RGSL1: variants seen among roughly 807,000 people sequenced by gnomAD.
The protein encoded by RGSL1 is regulator of G protein signaling like 1, also known as regulator of G protein signaling protein-like.
Under a neutral mutation model 124.7 loss-of-function variants are expected in RGSL1, and 97 were observed. The observed-to-expected ratio is 0.78, with a 90% CI of 0.66 to 0.92. The LOEUF (loss-of-function observed/expected upper bound fraction) is 0.92. Among genes scored for constraint, RGSL1 ranks in the 40% least tolerant of loss-of-function variants. RGSL1 has a pLI of 0.00. For synonymous variants in RGSL1, 424 were observed against 438.1 expected (o/e 0.97, Z 0.40); for missense variants, 1,233 against 1,288.4 (o/e 0.96, Z 0.66).
chr1:182,530,186 G>C, intron 11 of RGSL1, 58 bp from the exon 12 acceptor site: 1 of 1,303,828 alleles, frequency 7.7e-7, no homozygotes, highest in Non-Finnish European at 1.1e-6. Flanking sequence ...AAAACCACCA[G>C]CTATCTCAGA....
chr1:182,479,019 G>A (rs912328090), intron 6 of RGSL1, among the ~76,000 whole-genome samples: 1 of 152,020 alleles, frequency 6.6e-6, no homozygotes, highest in Non-Finnish European at 1.5e-5. Flanking sequence ...GTGAAGAAGT[G>A]TTTAAAAAAA....
chr1:182,542,685 C>T (rs1241788750), intron 15 of RGSL1, among the ~76,000 whole-genome samples: 1 of 152,026 alleles, frequency 6.6e-6, no homozygotes, highest in Non-Finnish European at 1.5e-5. Flanking sequence ...ATTATGTTTT[C>T]CAATCCATGA....
At chr1:182,545,269 A>G (rs539959249) in intron 15 of RGSL1, among the ~76,000 whole-genome samples, 1 of 152,326 alleles carries the variant, frequency 6.6e-6, no homozygotes, top group Admixed American at 6.5e-5. Context: ...GAATAGAAAC[A>G]AAGAAAAAAC....
chr1:182,554,945 C>T (rs1660778696), intron 20 of RGSL1: 2 of 509,850 alleles, frequency 3.9e-6, no homozygotes, highest in Non-Finnish European at 7.1e-6. Context: ...TTCAGTAGAA[C>T]AATACTGCTG....
intron 1 of RGSL1, 25 bp from the exon 2 acceptor site, chr1:182,453,933 T>G: frequency 2.3e-6 from 3 of 1,287,718 alleles, no homozygotes; most frequent in Non-Finnish European, 3.3e-6. Flanking sequence ...ATGTTTTGTT[T>G]TTTTATTTCT....
At chr1:182,496,678 T>C (rs1006053830) in intron 9 of RGSL1, among the ~76,000 whole-genome samples, 1 of 152,216 alleles carries the variant, frequency 6.6e-6, no homozygotes, top group Non-Finnish European at 1.5e-5. Flanking sequence ...GCAGCAAAAA[T>C]ACTTTCCCAC....
chr1:182,463,541 T>G (rs1049912570), intron 4 of RGSL1, among the ~76,000 whole-genome samples: 3 of 152,104 alleles, frequency 2.0e-5, no homozygotes, highest in African/African-American at 7.2e-5. Context: ...TTTATTTAAT[T>G]TATTTATTTT....
rs200032887 is a variant in RGSL1, at chr1:182,450,178, G to A, written c.13G>A (p.Glu5Lys). The A allele has an allele frequency of 2.1e-5, 32 of 1,551,990 alleles. No individual in the cohort carries two copies. The highest frequency in any genetic ancestry group is 2.7e-5 in the Non-Finnish European group (31 of 1,147,080). The part of the protein sequence containing the change: MSSA[E>K]IIGSTNLIIL... Reference sequence around the variant, plus strand: ...AGAGCATGGCAACATGAGCAGTGCTGGTGAGTCTCTGCCAGGGATGTCTCC... The same window carrying A: ...AGAGCATGGCAACATGAGCAGTGCTAGTGAGTCTCTGCCAGGGATGTCTCC... Residue 5 changes from glutamate (E) to lysine (K), a missense_variant and splice_region_variant, in exon 1 of 22, where the codon GAG (glutamate) becomes AAG (lysine). Physicochemically the swap from Glu to Lys is moderately conservative, Grantham distance 56 (BLOSUM62 1). Coordinates refer to ENST00000294854, the MANE Select transcript of RGSL1 (RefSeq NM_001137669.2).
chr1:182,548,491 C>A, intron 16 of RGSL1, 36 bp downstream of exon 16: 1 of 1,548,870 alleles, frequency 6.5e-7, no homozygotes, highest in South Asian at 1.2e-5. Flanking sequence ...GGCCTTTCAC[C>A]AAGAAGCATT....
At chr1:182,490,559 T>C (rs1655442975) in intron 8 of RGSL1, among the ~76,000 whole-genome samples, 2 of 152,180 alleles carry the variant, frequency 1.3e-5, no homozygotes, top group African/African-American at 4.8e-5. Flanking sequence ...CCATAGAGAT[T>C]CCACTCTCTC....
intron 4 of RGSL1, among the ~76,000 whole-genome samples, chr1:182,463,137 C>CA (rs1318979034): frequency 7.3e-5 from 11 of 151,560 alleles, no homozygotes; most frequent in Non-Finnish European, 2.9e-5. Context: ...ATTAAAAATA[C>CA]AAAAAAATTA....
intron 9 of RGSL1, among the ~76,000 whole-genome samples, chr1:182,504,270 C>T (rs909045216): frequency 6.6e-5 from 10 of 152,080 alleles, no homozygotes; most frequent in Non-Finnish European, 1.5e-4. Context: ...GTGTGAGTCA[C>T]CATGCCCGGC....
At chr1:182,540,936 A>G (rs10752874) in intron 15 of RGSL1, among the ~76,000 whole-genome samples, 78,675 of 151,906 alleles carry the variant, frequency 0.52, 20,643 homozygotes, top group Non-Finnish European at 0.55. Flanking sequence ...TGTATAGACT[A>G]TACCCCAAAA....
chr1:182,483,110 C>G (rs933225933), intron 6 of RGSL1, among the ~76,000 whole-genome samples: 8 of 152,132 alleles, frequency 5.3e-5, no homozygotes, highest in African/African-American at 1.4e-4. Flanking sequence ...TTGCCAGCAG[C>G]TTCAGGGAGG....
intron 9 of RGSL1, among the ~76,000 whole-genome samples, chr1:182,499,867 GCAA>G (rs1656220417): frequency 6.6e-6 from 1 of 151,998 alleles, no homozygotes; most frequent in African/African-American, 2.4e-5. Context: ...AGGTCTGGTG[GCAA>G]CAAATTCTCT....
intron 9 of RGSL1, among the ~76,000 whole-genome samples, chr1:182,509,261 G>T (rs1367614356): frequency 3.8e-5 from 2 of 52,260 alleles, no homozygotes; most frequent in African/African-American, 5.8e-5. Context: ...CAGTAGGGGC[G>T]GCCGGGCAGA....
intron 1 of RGSL1, chr1:182,450,427 T>A: frequency 1.8e-6 from 1 of 564,416 alleles, no homozygotes; most frequent in Admixed American, 3.0e-5. Context: ...AAGTAAAATG[T>A]GGATTGGGCC....
intron 1 of RGSL1, 176 bp downstream of exon 1, chr1:182,450,354 G>A (rs1320521410): frequency 2.4e-5 from 17 of 718,560 alleles, no homozygotes; most frequent in South Asian, 2.3e-4. Context: ...CCTACCTTCT[G>A]CCACCAGATC....
At chr1:182,554,207 T>G (rs1431510113) in intron 19 of RGSL1, among the ~76,000 whole-genome samples, 2 of 152,196 alleles carry the variant, frequency 1.3e-5, no homozygotes, top group Non-Finnish European at 2.9e-5. Flanking sequence ...CTCACAGGCA[T>G]GAAATGCCAG....
Sources: gnomAD v4.1 joint callset for allele counts (sites outside exome capture counted in the v4.1 genomes callset) on GRCh38, gnomAD v4.1.1 for gene constraint, MANE v1.5 for transcripts, NCBI Gene and HGNC (gene_info 2026-07-23, HGNC 2026-07-21) for gene names.